Variants in ZSCAN4 observed in about 807,000 individuals in gnomAD.
ZSCAN4 encodes zinc finger and SCAN domain-containing protein 4.
In ZSCAN4, 18 loss-of-function variants were observed where a neutral mutation model predicts 18.3. The observed-to-expected ratio is 0.98, with a 90% CI of 0.68 to 1.46. The LOEUF (loss-of-function observed/expected upper bound fraction) is 1.46. Among genes scored for constraint, ZSCAN4 ranks in the 40% most tolerant of loss-of-function variants. The pLI is 0.00. For synonymous variants in ZSCAN4, 193 were observed against 180.3 expected, an observed-to-expected ratio of 1.07 and a Z score of -0.57; for missense variants, 498 against 511.4, an observed-to-expected ratio of 0.97 and a Z score of 0.25.
the ZSCAN4 span, among the ~76,000 whole-genome samples, chr19:57,660,981 A>T: frequency 6.6e-6 from 1 of 152,222 alleles, no homozygotes; most frequent in Non-Finnish European, 1.5e-5. Flanking sequence ...TGATAACCAC[A>T]GCAACAGTGT....
intron 3 of ZSCAN4, among the ~76,000 whole-genome samples, chr19:57,676,826 A>G (rs1197007047): frequency 6.6e-6 from 1 of 152,172 alleles, no homozygotes; most frequent in African/African-American, 2.4e-5. Flanking sequence ...ACTCTGAGAA[A>G]TTGACTTTTT....
chr19:57,653,841 A>G, the ZSCAN4 span, among the ~76,000 whole-genome samples: 2 of 152,178 alleles, frequency 1.3e-5, no homozygotes, highest in African/African-American at 4.8e-5. Flanking sequence ...CATCTGTGGT[A>G]TCAAGGGACA....
At chr19:57,668,502 T>C (rs1321442199), upstream of ZSCAN4, among the ~76,000 whole-genome samples, 1 of 152,094 alleles carries the variant, frequency 6.6e-6, no homozygotes, top group East Asian at 1.9e-4. Context: ...TACCCAACAG[T>C]GATAGGGGGA....
the ZSCAN4 span, among the ~76,000 whole-genome samples, chr19:57,652,496 G>A: frequency 6.6e-6 from 1 of 151,840 alleles, no homozygotes; most frequent in African/African-American, 2.4e-5. Flanking sequence ...TCCTCTTTCG[G>A]ACAAGCCTTC....
At chr19:57,658,558 G>C in the ZSCAN4 span, among the ~76,000 whole-genome samples, 1 of 152,162 alleles carries the variant, frequency 6.6e-6, no homozygotes, top group Non-Finnish European at 1.5e-5. Flanking sequence ...TTCCTGCCGG[G>C]TGCAGTGGCT....
At chr19:57,677,976 C>A in exon 4 of ZSCAN4, 4 of 1,600,784 alleles carry the variant, frequency 2.5e-6, no homozygotes, top group Non-Finnish European at 3.4e-6. Flanking sequence ...TAAGAGATGT[C>A]ATTGTTCATC....
At position 57,673,879 on chromosome 19, in the gene ZSCAN4, G is replaced by A. The variant is rs1018826750; in HGVS notation, c.-105-2162G>A. On this transcript the variant is annotated intron_variant, in intron 2 of 4. Coordinates refer to ENST00000318203, the Ensembl canonical transcript of ZSCAN4. ...ACCCATTCTCCTTGCTCAGCCTCCC[G>A]AGTAGCTGCGATTACAGGCATGCAC... 2.6e-5 allele frequency among the ~76,000 whole-genome samples: 4 copies of A among 152,002 alleles called. No homozygotes were observed. The South Asian group carries it at 6.2e-4, about 24-fold the overall frequency.
At chr19:57,669,241 A>C (rs1983943861) in intron 1 of ZSCAN4, 38 bp downstream of exon 1, 1 of 151,734 alleles carries the variant, frequency 6.6e-6, no homozygotes, top group African/African-American at 2.4e-5. Context: ...TTGTATTTTT[A>C]ATAGAAACCG....
the ZSCAN4 span, among the ~76,000 whole-genome samples, chr19:57,659,623 C>T: frequency 6.6e-6 from 1 of 152,110 alleles, no homozygotes; most frequent in Non-Finnish European, 1.5e-5. Flanking sequence ...TCATTTTTAC[C>T]TCTCCAGAAA....
At chr19:57,660,020 TC>T in the ZSCAN4 span, among the ~76,000 whole-genome samples, 1 of 152,138 alleles carries the variant, frequency 6.6e-6, no homozygotes, top group South Asian at 2.1e-4. Flanking sequence ...GATAACCACT[TC>T]CCAGCAAAAA....
upstream of ZSCAN4, among the ~76,000 whole-genome samples, chr19:57,665,268 G>A (rs1453689688): frequency 1.3e-5 from 2 of 152,174 alleles, no homozygotes; most frequent in Non-Finnish European, 2.9e-5. Flanking sequence ...TGTGCTGCTA[G>A]GATTCCATTT....
At chr19:57,656,773 T>C in the ZSCAN4 span, among the ~76,000 whole-genome samples, 1 of 152,186 alleles carries the variant, frequency 6.6e-6, no homozygotes, top group Admixed American at 6.5e-5. Context: ...AATTTAAAAA[T>C]AGGCAAAAGT....
chr19:57,657,739 A>G, the ZSCAN4 span, among the ~76,000 whole-genome samples: 1 of 152,204 alleles, frequency 6.6e-6, no homozygotes, highest in Non-Finnish European at 1.5e-5. Flanking sequence ...CTAGTCTCTT[A>G]TATAATATGA....
chr19:57,652,662 A>G, the ZSCAN4 span, among the ~76,000 whole-genome samples: 1 of 151,972 alleles, frequency 6.6e-6, no homozygotes, highest in East Asian at 1.9e-4. Context: ...CTGCATACAC[A>G]GTCCTGTGCC....
the ZSCAN4 span, among the ~76,000 whole-genome samples, chr19:57,653,531 C>A: frequency 1.3e-5 from 2 of 152,132 alleles, no homozygotes; most frequent in Non-Finnish European, 2.9e-5. Context: ...TCCCAGTCAA[C>A]CCCTGATATT....
intron 2 of ZSCAN4, among the ~76,000 whole-genome samples, chr19:57,673,305 G>A (rs758077869): frequency 6.6e-6 from 1 of 152,020 alleles, no homozygotes; most frequent in African/African-American, 2.4e-5. Flanking sequence ...GGGATTACAG[G>A]CGCGAGTCAC....
chr19:57,678,734 C>T (rs1183557437), exon 5 of ZSCAN4: 1 of 1,614,156 alleles, frequency 6.2e-7, no homozygotes, highest in African/African-American at 1.3e-5. Context: ...AAAAGTCCTT[C>T]AGCCACAAAA....
the ZSCAN4 span, among the ~76,000 whole-genome samples, chr19:57,652,868 A>G: frequency 9.2e-5 from 14 of 151,762 alleles, no homozygotes; most frequent in Non-Finnish European, 1.8e-4. Context: ...TTTGTACATC[A>G]CTCAATCTTA....
exon 1 of ZSCAN4, chr19:57,669,021 C>T (rs1202360134): frequency 6.7e-6 from 1 of 149,838 alleles, no homozygotes; most frequent in African/African-American, 2.5e-5. Flanking sequence ...AAAACTTGAT[C>T]AGAATTTGTG....
Sources: gnomAD v4.1 joint callset for allele counts (sites outside exome capture counted in the v4.1 genomes callset) on GRCh38, gnomAD v4.1.1 for gene constraint, MANE v1.5 for transcripts, NCBI Gene and HGNC (gene_info 2026-07-23, HGNC 2026-07-21) for gene names.